The following FLT3 variants were observed in gnomAD, a reference collection of about 807,000 sequenced individuals.
FLT3 encodes receptor-type tyrosine-protein kinase FLT3.
Under a neutral mutation model 126.6 loss-of-function variants are expected in FLT3, and 46 were observed. The ratio of observed to expected loss-of-function variants is 0.36; its 90% confidence interval spans 0.29 to 0.46. The LOEUF is 0.46. Among genes scored for constraint, FLT3 ranks in the 20% least tolerant of loss-of-function variants. FLT3 has a pLI of 1.00. For synonymous variants in FLT3, 404 were observed against 434.4 expected (o/e 0.93, Z 0.87); for missense variants, 1,069 against 1,190.3 (o/e 0.90, Z 1.50).
chr13:28,097,259 G>A (rs1033893423), intron 1 of FLT3, among the ~76,000 whole-genome samples: 4 of 150,784 alleles, frequency 2.7e-5, no homozygotes, highest in East Asian at 1.9e-4. Context: ...AGGAAAGAAG[G>A]AAGGAAGGAA....
In FLT3 at chr13:28,037,205, A is replaced by G; in HGVS notation, c.1289T>C (p.Met430Thr). ...AENDDAQFTK[M>T]FTLNIRRKPQ... The stretch of plus-strand genomic sequence containing the variant: ...CTTACTTCTTATATTCAGCGTGAAC[A>G]TTTTGGTAAATTGGGCATCATCATT... The change falls in exon 10 of 24, where the codon ATG (methionine) becomes ACG (threonine). Residue 430 changes from methionine (M) to threonine (T), a missense_variant. Physicochemically the swap from Met to Thr is moderately conservative, Grantham distance 81 (BLOSUM62 -1). Transcript: ENST00000241453. 1.3e-6 allele frequency: 2 copies of G among 1,596,948 alleles called. No homozygotes were observed. Among genetic ancestry groups the G allele is most frequent in the Non-Finnish European group, 1.7e-6 (2 of 1,164,518 alleles).
At chr13:28,016,677 A>T (rs926861227) in intron 20 of FLT3, among the ~76,000 whole-genome samples, 7 of 152,182 alleles carry the variant, frequency 4.6e-5, no homozygotes, top group African/African-American at 1.7e-4. Context: ...CAAACTGATG[A>T]GCTATTGATT....
chr13:28,030,587 C>T (rs953732694), intron 15 of FLT3, among the ~76,000 whole-genome samples: 2 of 152,096 alleles, frequency 1.3e-5, no homozygotes, highest in African/African-American at 4.8e-5. Flanking sequence ...GCAGGCAAGA[C>T]GTGGGTCCCC....
intron 15 of FLT3, among the ~76,000 whole-genome samples, chr13:28,031,767 C>T (rs1476741561): frequency 1.3e-5 from 2 of 152,162 alleles, no homozygotes; most frequent in Non-Finnish European, 2.9e-5. Context: ...GAAAGAAGGC[C>T]AGCGCTCTGG....
At position 28,062,074 on chromosome 13, in the gene FLT3, G is replaced by A. The variant is rs369462069; in HGVS notation, c.166-5C>T. ...GTCTTCCGGGGATTCTGATACCTAC[G>A]TTGCAGATAGAACAAAGTGAATTCA... On this transcript the variant is annotated splice_region_variant and splice_polypyrimidine_tract_variant and intron_variant, in intron 2 of 23. Transcript: ENST00000241453. 44 of 1,609,592 alleles carry A rather than the reference G, an allele frequency of 2.7e-5. No homozygotes were observed. Among genetic ancestry groups the A allele is most frequent in the Admixed American group, 1.7e-4 (10 of 59,868 alleles).
intron 23 of FLT3, 119 bp from the exon 24 acceptor site, chr13:28,004,293 T>G (rs1870692615): frequency 3.7e-6 from 4 of 1,092,002 alleles, no homozygotes; most frequent in Non-Finnish European, 5.2e-6. Flanking sequence ...ATTACTTTTT[T>G]GTTTGTTTGT....
In FLT3 at chr13:28,062,580, T is replaced by C. The variant is rs373368944; in HGVS notation, c.166-511A>G. ...CAACATGGTGAAACCCTATGTCTAC[T>C]AAAAATACAAAAAATAAGCTGGAAG... On this transcript the variant is annotated intron_variant, in intron 2 of 23. Coordinates refer to ENST00000241453, the MANE Select transcript of FLT3 (RefSeq NM_004119.3). Among the ~76,000 whole-genome samples, 7 of 151,750 alleles carry C rather than the reference T, an allele frequency of 4.6e-5. 1 individual carries two copies. The East Asian group carries it at 1.2e-3, about 25-fold the overall frequency.
intron 23 of FLT3, among the ~76,000 whole-genome samples, chr13:28,009,087 C>G (rs984855174): frequency 2.4e-4 from 37 of 152,032 alleles, no homozygotes; most frequent in African/African-American, 8.0e-4. Context: ...GGGAATCCTC[C>G]CAGCTCAGCC....
rs566654207 is a variant in FLT3 at position 28,050,211 on chromosome 13, T to C, written c.626A>G (p.Glu209Gly). Residue 209 changes from glutamate to glycine, a missense_variant, in exon 6 of 24, where the codon GAA becomes GGA. By Grantham distance (98) the Glu-to-Gly change is moderately conservative. Transcript: ENST00000241453. ...CDSQGESCKE[E>G]SPAVVKKEEK... ...CTCCTTTTTAACAACAGCTGGACTT[T>C]CTTCTTTACAGCTGCAATTAGAAAA... The C allele has an allele frequency of 5.0e-6, 8 of 1,614,008 alleles. No homozygotes were observed. The African/African-American group carries it at 5.3e-5, about 11-fold the overall frequency.
intron 19 of FLT3, among the ~76,000 whole-genome samples, chr13:28,021,921 T>A (rs1333939229): frequency 2.0e-5 from 3 of 151,854 alleles, no homozygotes; most frequent in African/African-American, 7.3e-5. Context: ...TTTTTTTGTA[T>A]AGAGACGGGG....
Position 28,049,448 on chromosome 13 carries a change from G to A in FLT3, c.972C>T (p.Asp324=), listed in dbSNP as rs750726862. 1.2e-5 allele frequency: 19 copies of A among 1,613,932 alleles called. No individual in the cohort carries two copies. The highest frequency in any genetic ancestry group is 1.6e-5 in the Non-Finnish European group (19 of 1,179,956). ...AAGAGGAACAAGTGTAGTATCCGGT[G>A]TCGTTTCTTGCCACTGATGATACAA... ...FAFVSSVARN[D]TGYYTCSSSK... Residue 324 remains aspartate (D), a synonymous_variant, in exon 8 of 24, where the codon GAC becomes GAT. Transcript: ENST00000241453.
At chr13:28,099,256 A>G (rs1458928858) in intron 1 of FLT3, among the ~76,000 whole-genome samples, 2 of 152,202 alleles carry the variant, frequency 1.3e-5, no homozygotes, top group African/African-American at 4.8e-5. Context: ...AATATCATAC[A>G]TAATAGAAAG....
intron 1 of FLT3, among the ~76,000 whole-genome samples, chr13:28,090,702 C>T (rs1056998092): frequency 2.0e-5 from 3 of 152,128 alleles, no homozygotes; most frequent in South Asian, 2.1e-4. Context: ...CACTGAAGCC[C>T]GCAAAGTGAA....
chr13:28,049,273 AG>A, intron 8 of FLT3, 110 bp downstream of exon 8: 1 of 969,958 alleles, frequency 1.0e-6, no homozygotes, highest in Non-Finnish European at 1.6e-6. Flanking sequence ...TTTCTTTCTT[AG>A]TGTTTGATAG....
intron 6 of FLT3, 67 bp from the exon 7 acceptor site, chr13:28,049,841 T>C (rs1875276917): frequency 6.7e-7 from 1 of 1,490,346 alleles, no homozygotes; most frequent in Non-Finnish European, 9.1e-7. Context: ...AAAGATATCC[T>C]GAACATTCTG....
At chr13:28,012,624 C>A (rs947405856) in intron 23 of FLT3, among the ~76,000 whole-genome samples, 7 of 152,114 alleles carry the variant, frequency 4.6e-5, no homozygotes, top group Admixed American at 3.3e-4. Flanking sequence ...CCCAACTATG[C>A]AATGAGTAAC....
intron 1 of FLT3, among the ~76,000 whole-genome samples, chr13:28,071,747 G>A (rs1273652608): frequency 6.6e-6 from 1 of 152,154 alleles, no homozygotes; most frequent in African/African-American, 2.4e-5. Context: ...GTCTTGGCAA[G>A]TTATACTATT....
chr13:28,012,652 T>C (rs1003090020), intron 23 of FLT3, among the ~76,000 whole-genome samples: 2 of 152,062 alleles, frequency 1.3e-5, no homozygotes, highest in East Asian at 1.9e-4. Flanking sequence ...AGTCCTCTCT[T>C]AGCCAGGCGT....
At chr13:28,027,916 ATGT>A (rs1047691699) in intron 16 of FLT3, among the ~76,000 whole-genome samples, 6 of 152,244 alleles carry the variant, frequency 3.9e-5, no homozygotes, top group South Asian at 2.1e-4. Context: ...TGTACTTGCA[ATGT>A]TGTTGTTGTT....
Sources: gnomAD v4.1 joint callset for allele counts (sites outside exome capture counted in the v4.1 genomes callset) on GRCh38, gnomAD v4.1.1 for gene constraint, MANE v1.5 for transcripts, NCBI Gene and HGNC (gene_info 2026-07-23, HGNC 2026-07-21) for gene names.